The following TERT variants were observed in gnomAD, a reference collection of about 807,000 sequenced individuals.
The protein encoded by TERT is telomerase catalytic subunit.
A neutral mutation model predicts 104.0 loss-of-function variants in TERT; 42 were observed. That is an observed-to-expected ratio of 0.40 (90% CI 0.32 to 0.52). TERT has a LOEUF of 0.52. Among genes scored for constraint, TERT ranks in the 20% least tolerant of loss-of-function variants. The pLI is 0.43. For missense variants in TERT, 1,101 were observed against 1,610.3 expected (o/e 0.68, Z 5.41); for synonymous variants, 781 against 725.6 (o/e 1.08, Z -1.23).
chr5:1,291,121 G>C (rs1164977489), intron 2 of TERT, among the ~76,000 whole-genome samples: 4 of 136,096 alleles, frequency 2.9e-5, no homozygotes, highest in Admixed American at 7.2e-5. Context: ...CACCCTGCAC[G>C]TGACAGGGAC....
In TERT at chr5:1,254,336, T is replaced by C. The variant is rs34742644; in HGVS notation, c.3295+32A>G. On this transcript the variant is annotated intron_variant, in intron 15 of 15. Coordinates refer to ENST00000310581, the MANE Select transcript of TERT (RefSeq NM_198253.3). The stretch of plus-strand genomic sequence containing the variant: ...CGTTCAAGGATGACCCCTGGGCAGG[T>C]GGGGCCCGCACTGGCCTCCACCCAC... 0.011 allele frequency: 18,345 copies of C among 1,612,526 alleles called. 1,689 individuals are homozygous for C. The African/African-American group carries it at 0.21, about 18-fold the overall frequency.
In TERT at chr5:1,274,472, C is replaced by T. The variant is rs549371701; in HGVS notation, c.2287-2192G>A. On this transcript the variant is annotated intron_variant, in intron 6 of 15. Coordinates refer to ENST00000310581, the MANE Select transcript of TERT (RefSeq NM_198253.3). This position sits in a 1 kb window ranked among gnomAD's most constrained non-coding sequence, Gnocchi z 5.3. ...TACCAGGGACTGGTTTCGTGGAAGACGATTTTTCCACAGGACAGCAGTGGG... is the reference window on the plus strand; with the variant it reads ...TACCAGGGACTGGTTTCGTGGAAGATGATTTTTCCACAGGACAGCAGTGGG... Among the ~76,000 whole-genome samples the T allele has an allele frequency of 5.9e-5, 9 of 152,340 alleles. No homozygotes were observed. The highest frequency in any genetic ancestry group is 3.8e-4 in the East Asian group (2 of 5,196).
At chr5:1,266,615 A>C (rs1748626914) in intron 9 of TERT, 80 bp from the exon 10 acceptor site, 4 of 1,105,704 alleles carry the variant, frequency 3.6e-6, no homozygotes, top group Non-Finnish European at 5.4e-6. Context: ...TGAATGTCAA[A>C]CAATTTACAC....
At chr5:1,272,353 G>C in intron 6 of TERT, 73 bp from the exon 7 acceptor site, 1 of 1,312,390 alleles carries the variant, frequency 7.6e-7, no homozygotes, top group Non-Finnish European at 1.1e-6. Flanking sequence ...TGTTTCTTCC[G>C]ATCAGGACGT....
At chr5:1,260,308 A>G (rs2126583322) in intron 12 of TERT, among the ~76,000 whole-genome samples, 166 bp downstream of exon 12, 1 of 152,356 alleles carries the variant, frequency 6.6e-6, no homozygotes, top group South Asian at 2.1e-4. Context: ...GCCTTCATGT[A>G]CACACATGCA....
intron 2 of TERT, among the ~76,000 whole-genome samples, chr5:1,291,101 G>A (rs1396855922): frequency 1.5e-5 from 2 of 133,242 alleles, no homozygotes; most frequent in Non-Finnish European, 1.6e-5. Context: ...CCTGGGGACC[G>A]CGCCTCACTC....
At position 1,283,545 on chromosome 5, in the gene TERT, T is replaced by C. The variant is rs548621567; in HGVS notation, c.1574-921A>G. On this transcript the variant is annotated intron_variant, in intron 2 of 15. Coordinates refer to ENST00000310581, the MANE Select transcript of TERT (RefSeq NM_198253.3). ...GGGCCTGGCGACCTCACCCCGGACC[T>C]GCACCATCCGGACACCCCACATCCA... 3.7e-3 allele frequency among the ~76,000 whole-genome samples: 538 copies of C among 146,868 alleles called. 1 individual carries two copies. The highest frequency in any genetic ancestry group is 0.013 in the African/African-American group (500 of 39,182).
chr5:1,254,343 C>G (rs202169326), intron 15 of TERT, 25 bp downstream of exon 15: 2 of 1,612,768 alleles, frequency 1.2e-6, no homozygotes, highest in Non-Finnish European at 8.5e-7. Flanking sequence ...AGGTGGGGCC[C>G]GCACTGGCCT....
At chr5:1,283,067 C>T (rs1342821048) in intron 2 of TERT, 18 of 326,366 alleles carry the variant, frequency 5.5e-5, no homozygotes, top group Admixed American at 5.5e-4. Context: ...CTGCACCATC[C>T]GGATACAGCA....
At chr5:1,266,351 G>T in intron 10 of TERT, 113 bp downstream of exon 10, 1 of 1,006,124 alleles carries the variant, frequency 9.9e-7, no homozygotes, top group Non-Finnish European at 1.5e-6. Context: ...CACCGGCAGA[G>T]AGAGAGGACT....
At chr5:1,266,283 G>T (rs912981995) in intron 10 of TERT, among the ~76,000 whole-genome samples, 181 bp downstream of exon 10, 19 of 152,252 alleles carry the variant, frequency 1.2e-4, no homozygotes, top group African/African-American at 3.9e-4. Flanking sequence ...TCCCGAAGGT[G>T]CCCCTGCGCC....
chr5:1,286,179 G>A lies in TERT; in HGVS notation c.1574-3555C>T, dbSNP rs764492977. ...CAGACACTCACGGGCCAAGATGACCGCCCTCCTCGTGAGTCTCCACATCTT... is the reference window on the plus strand; with the variant it reads ...CAGACACTCACGGGCCAAGATGACCACCCTCCTCGTGAGTCTCCACATCTT... On this transcript the variant is annotated intron_variant, in intron 2 of 15. Transcript: ENST00000310581. This position sits in a 1 kb window ranked among gnomAD's most constrained non-coding sequence, Gnocchi z 5.3. 6.6e-6 allele frequency among the ~76,000 whole-genome samples: 1 copy of A among 152,182 alleles called. No homozygotes were observed. The highest frequency in any genetic ancestry group is 1.5e-5 in the Non-Finnish European group (1 of 68,040).
chr5:1,294,934 C>A lies in TERT; in HGVS notation c.56G>T (p.Arg19Leu). The A allele has an allele frequency of 7.1e-7, 1 of 1,418,224 alleles. No individual in the cohort carries two copies. The highest frequency in any genetic ancestry group is 9.2e-7 in the Non-Finnish European group (1 of 1,090,314). 87.9% of individuals were successfully genotyped at this position (1,418,224 alleles called of 1,614,324 possible). Residue 19 changes from arginine to leucine, a missense_variant, in exon 1 of 16, where the codon CGC (arginine) becomes CTC (leucine). Arg to Leu is a moderately radical substitution (Grantham distance 102). This residue lies in a region of TERT where 87 missense variants were observed against 145.4 expected (regional missense o/e 0.60). Coordinates refer to ENST00000310581, the MANE Select transcript of TERT (RefSeq NM_198253.3). The stretch of plus-strand genomic sequence containing the variant: ...GAACGTGGCCAGCGGCAGCACCTCG[C>A]GGTAGTGGCTGCGCAGCAGGGAGCG... Reference protein sequence around the residue: ...AVRSLLRSHYREVLPLATFVR... With the variant: ...AVRSLLRSHYLEVLPLATFVR...
chr5:1,283,292 C>A (rs1393905225), intron 2 of TERT, among the ~76,000 whole-genome samples: 1 of 132,588 alleles, frequency 7.5e-6, no homozygotes, highest in Non-Finnish European at 1.6e-5. Context: ...GGCGACCTCA[C>A]GCCAGACCTG....
chr5:1,280,199 C>T lies in TERT; in HGVS notation c.1909G>A (p.Asp637Asn), dbSNP rs1561203868. The T allele has an allele frequency of 6.2e-7, 1 of 1,614,106 alleles. No individual in the cohort carries two copies. Among genetic ancestry groups the T allele is most frequent in the Non-Finnish European group, 8.5e-7 (1 of 1,180,046 alleles). ...AACGTTCTGGCTCCCACGACGTAGTCCATGTTCACAATCGGCCGCAGCCCG... is the reference window on the plus strand; with the variant it reads ...AACGTTCTGGCTCCCACGACGTAGTTCATGTTCACAATCGGCCGCAGCCCG... Reference protein sequence around the residue: ...PDGLRPIVNMDYVVGARTFRR... With the variant: ...PDGLRPIVNMNYVVGARTFRR... Residue 637 changes from aspartate to asparagine, a missense_variant, in exon 4 of 16, where the codon GAC becomes AAC. By Grantham distance (23) the Asp-to-Asn change is conservative. Around this residue, in one of 5 missense-constraint regions of TERT, gnomAD observed 463 missense variants for 797.5 expected, o/e 0.58. Transcript: ENST00000310581.
At chr5:1,280,789 A>G (rs914235194) in intron 3 of TERT, among the ~76,000 whole-genome samples, 16 of 152,024 alleles carry the variant, frequency 1.1e-4, no homozygotes, top group African/African-American at 3.6e-4. Flanking sequence ...GAGGCTGCTC[A>G]GGGCAGCTCA....
At position 1,268,282 on chromosome 5, in the gene TERT, G is replaced by A. The variant is rs972100142; in HGVS notation, c.2582+238C>T. Among the ~76,000 whole-genome samples, 22 of 152,330 alleles carry A rather than the reference G, an allele frequency of 1.4e-4. No homozygotes were observed. Among genetic ancestry groups the A allele is most frequent in the Admixed American group, 5.2e-4 (8 of 15,310 alleles). On this transcript the variant is annotated intron_variant, in intron 9 of 15. Transcript: ENST00000310581. The surrounding 1 kb of genome is among the most constrained non-coding windows in gnomAD (Gnocchi z 5.5). ...CATCATGCAGGGCAGCGGCCCTCCC[G>A]CCTGCTGAGCCCTGAGGCCTCTGGA...
rs911873636 is a variant in TERT, at chr5:1,261,585, G to A, written c.2844-985C>T. On this transcript the variant is annotated intron_variant, in intron 11 of 15. Coordinates refer to ENST00000310581, the MANE Select transcript of TERT (RefSeq NM_198253.3). The surrounding 1 kb of genome is among the most constrained non-coding windows in gnomAD (Gnocchi z 7.4). ...AGCCCAGAAAAGGAGCCAGCATGAG[G>A]GATGGGGACAGGTCTCGCCATCAGT... 1.1e-4 allele frequency among the ~76,000 whole-genome samples: 16 copies of A among 152,224 alleles called. No individual in the cohort carries two copies. Among genetic ancestry groups the A allele is most frequent in the African/African-American group, 3.9e-4 (16 of 41,468 alleles).
Position 1,294,326 on chromosome 5 carries a change from G to C in TERT, c.560C>G (p.Pro187Arg), listed in dbSNP as rs906128293. The C allele has an allele frequency of 1.3e-6, 2 of 1,583,434 alleles. No individual in the cohort carries two copies. The highest frequency in any genetic ancestry group is 2.7e-5 in the African/African-American group (2 of 74,556). The stretch of plus-strand genomic sequence containing the variant: ...CCTTCGGGGTCCACTAGCGTGTGGC[G>C]GGGGCCGGGCCTGAGTGGCAGCGCC... Reference protein sequence around the residue: ...QLGAATQARPPPHASGPRRRL... With the variant: ...QLGAATQARPRPHASGPRRRL... Residue 187 changes from proline (P) to arginine (R), a missense_variant, in exon 2 of 16, where the codon CCG becomes CGG. Around this residue, in one of 5 missense-constraint regions of TERT, gnomAD observed 504 missense variants for 544.6 expected, o/e 0.93. Transcript: ENST00000310581.
Sources: allele counts gnomAD v4.1 joint callset (sites outside exome capture counted in the v4.1 genomes callset), GRCh38; gene constraint gnomAD v4.1.1; regional missense constraint gnomAD v4.1.1; non-coding constraint Gnocchi (gnomAD v3.1); transcripts MANE v1.5; gene names NCBI Gene and HGNC (gene_info 2026-07-23, HGNC 2026-07-21).